Variants in CYP3A7 observed in about 807,000 individuals in gnomAD.
CYP3A7 encodes the protein cytochrome P450 3A7.
In CYP3A7, 45 loss-of-function variants were observed where a neutral mutation model predicts 55.2. That is an observed-to-expected ratio of 0.82 (90% CI 0.64 to 1.05). The LOEUF (loss-of-function observed/expected upper bound fraction) is 1.05. Ranked by LOEUF, CYP3A7 falls within the 50% of genes least tolerant of loss-of-function variation. The pLI is 0.00. For synonymous variants in CYP3A7, 180 were observed against 207.4 expected, an observed-to-expected ratio of 0.87 and a Z score of 1.13; for missense variants, 548 against 605.3, an observed-to-expected ratio of 0.91 and a Z score of 0.99.
intron 7 of CYP3A7, among the ~76,000 whole-genome samples, chr7:99,714,905 CT>C (rs1813881425): frequency 6.6e-6 from 1 of 152,184 alleles, no homozygotes; most frequent in African/African-American, 2.4e-5. Flanking sequence ...TCAGCAGCCC[CT>C]TCTGCATCTT....
intron 9 of CYP3A7, among the ~76,000 whole-genome samples, chr7:99,711,253 T>C (rs377270413): frequency 1.7e-4 from 26 of 152,334 alleles, no homozygotes; most frequent in African/African-American, 6.0e-4. Flanking sequence ...TAAATTAATA[T>C]GGGGTAGTCT....
chr7:99,707,773 T>C (rs1813579898), intron 12 of CYP3A7, 39 bp downstream of exon 12: 1 of 1,612,434 alleles, frequency 6.2e-7, no homozygotes, highest in Non-Finnish European at 8.5e-7. Flanking sequence ...GTTAAAATAA[T>C]TGTTAATAAA....
intron 10 of CYP3A7, among the ~76,000 whole-genome samples, chr7:99,709,926 CAAAAG>C (rs1813683471): frequency 6.6e-6 from 1 of 152,058 alleles, no homozygotes; most frequent in South Asian, 2.1e-4. Flanking sequence ...CCAAATATGA[CAAAAG>C]AAAGTTCTGG....
chr7:99,705,556 C>T lies in CYP3A7; in HGVS notation c.1456G>A (p.Glu486Lys). Residue 486 changes from glutamate to lysine, a missense_variant, in exon 13 of 13, where the codon GAA becomes AAA. Glu to Lys is a moderately conservative substitution (Grantham distance 56). Coordinates refer to ENST00000336374, the MANE Select transcript of CYP3A7 (RefSeq NM_000765.5). ...KLRFGGLLLT[E>K]KPIVLKAESR... Reference sequence around the variant, plus strand: ...TCAGCCTTTAGAACAATGGGTTTTTCTGTTAGAAGAAGTCCTCCAAAGCGT... The same window carrying T: ...TCAGCCTTTAGAACAATGGGTTTTTTTGTTAGAAGAAGTCCTCCAAAGCGT... 1 of 1,613,654 alleles carries T rather than the reference C, an allele frequency of 6.2e-7. No homozygotes were observed.
intron 4 of CYP3A7, 147 bp downstream of exon 4, chr7:99,720,166 G>A: frequency 1.1e-6 from 1 of 942,494 alleles, no homozygotes; most frequent in Non-Finnish European, 1.6e-6. Context: ...AAGATTGCAA[G>A]ATGTTACCAT....
intron 9 of CYP3A7, among the ~76,000 whole-genome samples, chr7:99,711,801 A>AC (rs1813759546): frequency 4.0e-5 from 6 of 150,690 alleles, no homozygotes; most frequent in Non-Finnish European, 7.4e-5. Flanking sequence ...AACAACAACA[A>AC]AAACAGAAAT....
rs1813716221 is a variant in CYP3A7, at chr7:99,710,753, A to G, written c.1005T>C (p.Ile335=). The G allele has an allele frequency of 4.3e-6, 7 of 1,613,904 alleles. No individual in the cohort carries two copies. The highest frequency in any genetic ancestry group is 1.7e-4 in the Middle Eastern group (1 of 6,056). Residue 335 remains isoleucine, a synonymous_variant, in exon 10 of 13, where the codon ATT becomes ATC. Transcript: ENST00000336374. The part of the protein sequence containing the change: ...PDVQQKVQKE[I]DTVLPNKAPP... ...TCACCTTATTGGGTAAAACTGTATC[A>G]ATTTCCTTCTGCACTTTCTGCTGGA... is the stretch of plus-strand genomic sequence containing the variant.
chr7:99,714,651 T>C lies in CYP3A7; in HGVS notation c.702A>G (p.Glu234=), dbSNP rs1268494439. 6.2e-7 allele frequency: 1 copy of C among 1,612,984 alleles called. No individual in the cohort carries two copies. Among genetic ancestry groups the C allele is most frequent in the Non-Finnish European group, 8.5e-7 (1 of 1,179,516 alleles). ...KVFPFLTPIL[E]ALNITVFPRK... ...TTGGAAACACAGTGATATTTAATGCTTCAAGAATTGGGGTAAGGAATGGAA... is the reference window on the plus strand; with the variant it reads ...TTGGAAACACAGTGATATTTAATGCCTCAAGAATTGGGGTAAGGAATGGAA... Residue 234 remains glutamate, a synonymous_variant, in exon 8 of 13, where the codon GAA becomes GAG. Transcript: ENST00000336374.
rs1813992806 is a variant in CYP3A7 at position 99,717,235 on chromosome 7, C to A, written c.463G>T (p.Val155Leu). The A allele has an allele frequency of 6.2e-7, 1 of 1,613,840 alleles. No individual in the cohort carries two copies. Among genetic ancestry groups the A allele is most frequent in the African/African-American group, 1.3e-5 (1 of 74,906 alleles). ...TCCCGCCTCAGATTTCTCACCAACACATCTCCATACTGGGCAATGATAGGG... is the reference window on the plus strand; with the variant it reads ...TCCCGCCTCAGATTTCTCACCAACAAATCTCCATACTGGGCAATGATAGGG... Reference protein sequence around the residue: ...MVPIIAQYGDVLVRNLRREAE... With the variant: ...MVPIIAQYGDLLVRNLRREAE... The change falls in exon 6 of 13, where the codon GTG (valine) becomes TTG (leucine). Residue 155 changes from valine (V) to leucine (L), a missense_variant. Physicochemically the swap from Val to Leu is conservative, Grantham distance 32. Coordinates refer to ENST00000336374, the MANE Select transcript of CYP3A7 (RefSeq NM_000765.5).
At chr7:99,722,248 C>T (rs766640001) in intron 3 of CYP3A7, 48 bp downstream of exon 3, 9 of 1,611,826 alleles carry the variant, frequency 5.6e-6, no homozygotes, top group Non-Finnish European at 7.6e-6. Flanking sequence ...GTGGGGTAAA[C>T]TCATCATAGA....
At chr7:99,710,319 T>C (rs1241131472) in intron 10 of CYP3A7, among the ~76,000 whole-genome samples, 1 of 152,182 alleles carries the variant, frequency 6.6e-6, no homozygotes, top group Non-Finnish European at 1.5e-5. Flanking sequence ...ATGAGACACA[T>C]GTGGGGCAGA....
At chr7:99,733,537 AAG>A (rs1311456877) in intron 1 of CYP3A7, among the ~76,000 whole-genome samples, 1 of 152,188 alleles carries the variant, frequency 6.6e-6, no homozygotes, top group African/African-American at 2.4e-5. Context: ...GGCATCGTCT[AAG>A]GCTAAGGTAT....
Position 99,735,041 on chromosome 7 carries a change from C to T in CYP3A7, c.53G>A (p.Ser18Asn). 6.2e-7 allele frequency: 1 copy of T among 1,614,110 alleles called. No individual in the cohort carries two copies. The highest frequency in any genetic ancestry group is 8.5e-7 in the Non-Finnish European group (1 of 1,179,988). ...TACTCACAGATAGAGGAGTATCAGG[C>T]TGACAGCCAGGAGAAGCCAGGTTTC... ...AVETWLLLAVSLILLYLYGTR... is the reference protein window; with the variant it reads ...AVETWLLLAVNLILLYLYGTR... Residue 18 changes from serine to asparagine, a missense_variant, in exon 1 of 13, where the codon AGC (serine) becomes AAC (asparagine). By Grantham distance (46) the Ser-to-Asn change is conservative (BLOSUM62 1). Transcript: ENST00000336374.
chr7:99,732,636 A>T (rs1352819784), intron 1 of CYP3A7, among the ~76,000 whole-genome samples: 1 of 152,084 alleles, frequency 6.6e-6, no homozygotes, highest in Admixed American at 6.5e-5. Flanking sequence ...GAGGTTACTG[A>T]GGGGTGGAAG....
chr7:99,724,636 G>A (rs377736137), intron 2 of CYP3A7, among the ~76,000 whole-genome samples: 1 of 151,686 alleles, frequency 6.6e-6, no homozygotes, highest in African/African-American at 2.4e-5. Flanking sequence ...CCCTATAATA[G>A]AAGTATCACC....
intron 8 of CYP3A7, 42 bp downstream of exon 8, chr7:99,714,513 A>G (rs376768614): frequency 1.9e-6 from 3 of 1,607,764 alleles, no homozygotes; most frequent in Admixed American, 1.7e-5. Flanking sequence ...CTAAAAAATT[A>G]TGAAAACTAA....
chr7:99,719,995 C>T (rs905971809), intron 4 of CYP3A7, among the ~76,000 whole-genome samples: 18 of 150,778 alleles, frequency 1.2e-4, no homozygotes, highest in Admixed American at 9.9e-4. Context: ...TGACTCAGTC[C>T]GAAAAACAAA....
intron 5 of CYP3A7, 49 bp downstream of exon 5, chr7:99,717,477 C>T (rs1264838162): frequency 2.5e-6 from 4 of 1,608,456 alleles, no homozygotes; most frequent in African/African-American, 2.7e-5. Context: ...CCTGTCCCCA[C>T]CTGATTCATT....
intron 1 of CYP3A7, among the ~76,000 whole-genome samples, chr7:99,734,799 T>A (rs1563031048): frequency 6.6e-6 from 1 of 151,962 alleles, no homozygotes; most frequent in Non-Finnish European, 1.5e-5. Flanking sequence ...TTTTTGTAAT[T>A]TTAGTAGAGA....
Sources: gnomAD v4.1 joint callset for allele counts (sites outside exome capture counted in the v4.1 genomes callset) on GRCh38, gnomAD v4.1.1 for gene constraint, MANE v1.5 for transcripts, NCBI Gene and HGNC (gene_info 2026-07-23, HGNC 2026-07-21) for gene names.